GRAMD4: variants seen among roughly 807,000 people sequenced by gnomAD.
GRAMD4 encodes the protein GRAM domain containing 4.
GRAMD4 carries 25 observed loss-of-function variants against 83.9 expected under a neutral mutation model. That is an observed-to-expected ratio of 0.30 (90% confidence interval 0.22 to 0.42). GRAMD4 has a LOEUF of 0.42. GRAMD4 is among the 10% of genes least tolerant of loss of function. The probability of loss-of-function intolerance (pLI) is 1.00; values close to 1 mark genes in which losing one functional copy is unlikely to be tolerated. For missense variants in GRAMD4, 593 were observed against 788.7 expected (o/e 0.75, Z 2.97); for synonymous variants, 336 against 320.9 (o/e 1.05, Z -0.50).
chr22:46,681,826 C>T (rs1194990241), downstream of GRAMD4, among the ~76,000 whole-genome samples: 2 of 152,160 alleles, frequency 1.3e-5, no homozygotes, highest in African/African-American at 4.8e-5. Context: ...CTCACATGGA[C>T]CAAAGTGAGT....
At position 46,663,025 on chromosome 22, in the gene GRAMD4, C is replaced by G. The variant is rs758206278; in HGVS notation, c.467-15C>G. 9.4e-6 allele frequency: 15 copies of G among 1,597,740 alleles called. No homozygotes were observed. Among genetic ancestry groups the G allele is most frequent in the African/African-American group, 2.7e-5 (2 of 74,640 alleles). Reference sequence around the variant, plus strand: ...CAGCCCTGCCGTGCCCTCACCGGGTCCCTGCCCCCTGCAGAGCGCCGGAGC... The same window carrying G: ...CAGCCCTGCCGTGCCCTCACCGGGTGCCTGCCCCCTGCAGAGCGCCGGAGC... On this transcript the variant is annotated splice_polypyrimidine_tract_variant and intron_variant, in intron 5 of 18. Coordinates refer to ENST00000406902, the MANE Select transcript of GRAMD4 (RefSeq NM_015124.5).
chr22:46,662,368 C>T lies in GRAMD4; in HGVS notation c.467-672C>T, dbSNP rs144718391. Among the ~76,000 whole-genome samples the T allele has an allele frequency of 3.7e-4, 57 of 152,378 alleles. No homozygotes were observed. The East Asian group carries it at 7.7e-3, about 21-fold the overall frequency. On this transcript the variant is annotated intron_variant, in intron 5 of 18. Coordinates refer to ENST00000406902, the MANE Select transcript of GRAMD4 (RefSeq NM_015124.5). ...TTGGCGAGGCAGCACCCGCTGCAGGCGGCTCCTCACTGGCCTTCTGAAGGG... is the reference window on the plus strand; with the variant it reads ...TTGGCGAGGCAGCACCCGCTGCAGGTGGCTCCTCACTGGCCTTCTGAAGGG...
At chr22:46,635,291 G>A (rs535220118) in intron 2 of GRAMD4, among the ~76,000 whole-genome samples, 344 of 7,348 alleles carry the variant, frequency 0.047, 5 homozygotes, top group Admixed American at 0.065. Flanking sequence ...CCCTGCCCCC[G>A]CCCCCGGCCA....
chr22:46,675,564 T>C lies in GRAMD4; in HGVS notation c.1563+12T>C. 6.5e-7 allele frequency: 1 copy of C among 1,541,304 alleles called. No individual in the cohort carries two copies. Among genetic ancestry groups the C allele is most frequent in the African/African-American group, 1.4e-5 (1 of 73,682 alleles). ...CGGACATCCAGAAGGTTGGTGCACC[T>C]ACCCACCCCCACTAACCCCCGTGTT... On this transcript the variant is annotated intron_variant, in intron 17 of 18. Coordinates refer to ENST00000406902, the MANE Select transcript of GRAMD4 (RefSeq NM_015124.5).
At chr22:46,577,639 G>T (rs1456912959) in intron 1 of GRAMD4, among the ~76,000 whole-genome samples, 1 of 151,968 alleles carries the variant, frequency 6.6e-6, no homozygotes, top group African/African-American at 2.4e-5. Context: ...ACTGGAGGGG[G>T]ACGGTATCGG....
In GRAMD4 at chr22:46,621,925, T is replaced by A. The variant is rs542148934; in HGVS notation, c.-50+1360T>A. On this transcript the variant is annotated intron_variant, in intron 1 of 18. Coordinates refer to ENST00000406902, the MANE Select transcript of GRAMD4 (RefSeq NM_015124.5). This position sits in a 1 kb window ranked among gnomAD's most constrained non-coding sequence, Gnocchi z 5.8. ...CCAGGGAGTTGGGTGAGGAGGGTGG[T>A]GGAGTCAGTGGGGCTGAGAGCAGGG... Among the ~76,000 whole-genome samples the A allele has an allele frequency of 6.6e-6, 1 of 152,162 alleles. No individual in the cohort carries two copies. The highest frequency in any genetic ancestry group is 2.1e-4 in the South Asian group (1 of 4,826).
At chr22:46,592,174 G>C (rs1446910616) in intron 1 of GRAMD4, among the ~76,000 whole-genome samples, 2 of 152,196 alleles carry the variant, frequency 1.3e-5, no homozygotes, top group African/African-American at 4.8e-5. Context: ...AGTCCCCATA[G>C]GGTTGCGCCC....
chr22:46,618,527 C>G (rs1315102150), upstream of GRAMD4, among the ~76,000 whole-genome samples: 2 of 152,010 alleles, frequency 1.3e-5, no homozygotes, highest in African/African-American at 4.8e-5. The surrounding 1 kb of genome is among the most constrained non-coding windows in gnomAD (Gnocchi z 5.8). Flanking sequence ...CTAGATGAGC[C>G]AGAGCTGATG....
rs964057393 is a variant in GRAMD4, at chr22:46,659,037, C to A, written c.404+730C>A. Reference sequence around the variant, plus strand: ...TTACAAAGCCAGTGCCCTCCTGTCTCGCTAACACCACGAGGCTCCGTGTCC... The same window carrying A: ...TTACAAAGCCAGTGCCCTCCTGTCTAGCTAACACCACGAGGCTCCGTGTCC... On this transcript the variant is annotated intron_variant, in intron 4 of 18. Coordinates refer to ENST00000406902, the MANE Select transcript of GRAMD4 (RefSeq NM_015124.5). This position sits in a 1 kb window ranked among gnomAD's most constrained non-coding sequence, Gnocchi z 4.1. Among the ~76,000 whole-genome samples, 1 of 152,138 alleles carries A rather than the reference C, an allele frequency of 6.6e-6. No individual in the cohort carries two copies. The highest frequency in any genetic ancestry group is 1.5e-5 in the Non-Finnish European group (1 of 68,008).
chr22:46,649,943 A>G lies in GRAMD4; in HGVS notation c.284-8244A>G, dbSNP rs2082139853. Among the ~76,000 whole-genome samples the G allele has an allele frequency of 2.6e-5, 4 of 152,036 alleles. No homozygotes were observed. In the South Asian group the frequency reaches 8.3e-4, roughly 32 times the overall value. The stretch of plus-strand genomic sequence containing the variant: ...AACTTGCAGCCTGGTGATTCGATGG[A>G]GGGAGTGCCTGTCTTCTAGAAAGTT... On this transcript the variant is annotated intron_variant, in intron 3 of 18. Coordinates refer to ENST00000406902, the MANE Select transcript of GRAMD4 (RefSeq NM_015124.5).
chr22:46,648,469 A>T (rs1322935495), intron 3 of GRAMD4, among the ~76,000 whole-genome samples: 2 of 150,096 alleles, frequency 1.3e-5, no homozygotes, highest in Non-Finnish European at 3.0e-5. Flanking sequence ...GGATGGATGG[A>T]TGGATGGGTG....
chr22:46,586,827 G>C (rs996765096), intron 1 of GRAMD4, among the ~76,000 whole-genome samples: 7 of 152,314 alleles, frequency 4.6e-5, no homozygotes, highest in African/African-American at 1.7e-4. Context: ...CAGCTGATGA[G>C]GAGGGAGCTG....
intron 1 of GRAMD4, among the ~76,000 whole-genome samples, chr22:46,591,070 G>T (rs1191650572): frequency 6.7e-6 from 1 of 149,978 alleles, no homozygotes; most frequent in Non-Finnish European, 1.5e-5. Flanking sequence ...AAAAGAAAAA[G>T]AAAAAAAAAC....
intron 10 of GRAMD4, among the ~76,000 whole-genome samples, chr22:46,667,679 A>C (rs1209619032): frequency 6.6e-6 from 1 of 152,204 alleles, no homozygotes; most frequent in South Asian, 2.1e-4. Context: ...AAGTACCTGG[A>C]GGAGGCAGGC....
Position 46,677,430 on chromosome 22 carries a change from G to T in GRAMD4, c.*179G>T. On this transcript the variant is annotated 3_prime_UTR_variant, in exon 19 of 19. Coordinates refer to ENST00000406902, the MANE Select transcript of GRAMD4 (RefSeq NM_015124.5). ...TTTTATCGACCAAGAAGGGGCCAGG[G>T]CTCACAGGGACGGGGGTGCCCCTCT... is the stretch of plus-strand genomic sequence containing the variant. 7.3e-7 allele frequency: 1 copy of T among 1,363,348 alleles called. No individual in the cohort carries two copies. The highest frequency in any genetic ancestry group is 1.8e-5 in the South Asian group (1 of 55,034). 84.5% of individuals were successfully genotyped at this position (1,363,348 alleles called of 1,614,324 possible). A position where few individuals can be genotyped will look rare whatever the true frequency, so the allele number is the denominator to read the frequency against.
intron 1 of GRAMD4, among the ~76,000 whole-genome samples, chr22:46,608,208 C>G (rs1187839285): frequency 6.6e-6 from 1 of 152,230 alleles, no homozygotes; most frequent in Non-Finnish European, 1.5e-5. Flanking sequence ...CCTGTCCAGC[C>G]TGCAGCCTGC....
chr22:46,583,872 G>A (rs1304342236), intron 1 of GRAMD4, among the ~76,000 whole-genome samples: 3 of 152,276 alleles, frequency 2.0e-5, no homozygotes, highest in South Asian at 4.1e-4. Context: ...CACTACACGC[G>A]GCCACACTTA....
intron 3 of GRAMD4, among the ~76,000 whole-genome samples, chr22:46,648,802 GCAT>G (rs1287278657): frequency 3.3e-4 from 38 of 114,678 alleles, no homozygotes; most frequent in South Asian, 9.2e-4. Context: ...ATGGATGGAT[GCAT>G]GGATGGATGG....
intron 1 of GRAMD4, among the ~76,000 whole-genome samples, chr22:46,582,338 G>T (rs895691626): frequency 6.6e-6 from 1 of 152,038 alleles, no homozygotes; most frequent in Non-Finnish European, 1.5e-5. Flanking sequence ...GGCAGCGGGC[G>T]GTTAGGAGGC....
Sources: gnomAD v4.1 joint callset for allele counts (sites outside exome capture counted in the v4.1 genomes callset) on GRCh38, gnomAD v4.1.1 for gene constraint, Gnocchi (gnomAD v3.1) non-coding constraint, MANE v1.5 for transcripts, NCBI Gene and HGNC (gene_info 2026-07-23, HGNC 2026-07-21) for gene names.